CAMK1D: variants seen among roughly 807,000 people sequenced by gnomAD.
The protein encoded by CAMK1D is calcium/calmodulin-dependent protein kinase type 1D.
Under a neutral mutation model 47.7 loss-of-function variants are expected in CAMK1D, and 9 were observed. The ratio of observed to expected loss-of-function variants is 0.19; its 90% confidence interval spans 0.11 to 0.33. The LOEUF (loss-of-function observed/expected upper bound fraction) is 0.33, where lower values mean the gene tolerates loss of function less well. Ranked by LOEUF, CAMK1D falls within the 10% of genes least tolerant of loss-of-function variation. The probability of loss-of-function intolerance (pLI) is 1.00; values close to 1 mark genes in which losing one functional copy is unlikely to be tolerated. For missense variants in CAMK1D, 291 were observed against 488.7 expected (o/e 0.60, Z 3.81); for synonymous variants, 184 against 184.9 (o/e 0.99, Z 0.04).
At chr10:12,768,447 C>A (rs1291621602) in intron 4 of CAMK1D, among the ~76,000 whole-genome samples, 1 of 152,114 alleles carries the variant, frequency 6.6e-6, no homozygotes, top group African/African-American at 2.4e-5. Flanking sequence ...TGGCTGTCCC[C>A]GCTGGGGCGG....
chr10:12,692,185 A>G (rs1832956002), intron 3 of CAMK1D, among the ~76,000 whole-genome samples: 1 of 152,242 alleles, frequency 6.6e-6, no homozygotes, highest in Non-Finnish European at 1.5e-5. Flanking sequence ...TGGCGCCTTC[A>G]TAGTTGATTT....
intron 2 of CAMK1D, among the ~76,000 whole-genome samples, chr10:12,606,989 C>T (rs1413179808): frequency 3.3e-5 from 5 of 151,924 alleles, no homozygotes; most frequent in Admixed American, 2.6e-4. Flanking sequence ...CACCATACCC[C>T]GCTAATTTTT....
At chr10:12,426,243 AT>A (rs1287024906) in intron 1 of CAMK1D, among the ~76,000 whole-genome samples, 1 of 151,902 alleles carries the variant, frequency 6.6e-6, no homozygotes, top group Non-Finnish European at 1.5e-5. Context: ...GTGAAGGGAT[AT>A]TTTTTTCCTT....
chr10:12,578,351 A>C (rs529995858), intron 2 of CAMK1D, among the ~76,000 whole-genome samples: 3 of 152,214 alleles, frequency 2.0e-5, no homozygotes, highest in Admixed American at 1.3e-4. Flanking sequence ...CGGATGGATC[A>C]CCTGAGGTCA....
intron 3 of CAMK1D, among the ~76,000 whole-genome samples, chr10:12,717,904 A>G (rs1055595291): frequency 2.0e-5 from 3 of 151,650 alleles, no homozygotes; most frequent in Non-Finnish European, 4.4e-5. Flanking sequence ...AAAAAAAAAA[A>G]AAAGAAAAAA....
chr10:12,713,237 AT>A (rs1175589077), intron 3 of CAMK1D, among the ~76,000 whole-genome samples: 1 of 152,124 alleles, frequency 6.6e-6, no homozygotes, highest in African/African-American at 2.4e-5. Context: ...GGCCCGGCTA[AT>A]TTTTTGTATT....
chr10:12,682,777 A>T (rs2132613303), intron 3 of CAMK1D, among the ~76,000 whole-genome samples: 1 of 152,338 alleles, frequency 6.6e-6, no homozygotes, highest in South Asian at 2.1e-4. Flanking sequence ...TAAATTAAAA[A>T]TTTGATTGGC....
chr10:12,421,511 C>CTTT (rs71384322), intron 1 of CAMK1D, among the ~76,000 whole-genome samples: 919 of 50,756 alleles, frequency 0.018, 151 homozygotes, highest in Non-Finnish European at 0.023. Flanking sequence ...ATCCAGGATT[C>CTTT]TTTTTTTTTT....
chr10:12,632,469 T>C (rs191182542), intron 2 of CAMK1D, among the ~76,000 whole-genome samples: 2 of 152,338 alleles, frequency 1.3e-5, no homozygotes, highest in African/African-American at 4.8e-5. Flanking sequence ...TTGCAGGCCA[T>C]TGGAAGAAGC....
chr10:12,377,893 A>T (rs994937655), intron 1 of CAMK1D, among the ~76,000 whole-genome samples: 1 of 152,250 alleles, frequency 6.6e-6, no homozygotes, highest in Non-Finnish European at 1.5e-5. Flanking sequence ...TGTCACAGGC[A>T]ATTTCATAGC....
At chr10:12,738,005 C>T (rs564644686) in intron 3 of CAMK1D, among the ~76,000 whole-genome samples, 1 of 152,180 alleles carries the variant, frequency 6.6e-6, no homozygotes, top group African/African-American at 2.4e-5. Context: ...AAAATTAAAT[C>T]ACAAGGTCTT....
chr10:12,814,555 A>C (rs571111372), intron 7 of CAMK1D, among the ~76,000 whole-genome samples: 2 of 152,260 alleles, frequency 1.3e-5, no homozygotes, highest in South Asian at 4.1e-4. Flanking sequence ...GTGAGGGCCC[A>C]CTTTCTGGTT....
intron 1 of CAMK1D, among the ~76,000 whole-genome samples, chr10:12,387,136 G>A (rs1052085826): frequency 1.3e-5 from 2 of 150,378 alleles, no homozygotes; most frequent in Non-Finnish European, 3.0e-5. Flanking sequence ...CCCAGGAGGC[G>A]GATGTTGCAG....
chr10:12,541,842 T>TCTTCATTCCTTC (rs1836193676), intron 1 of CAMK1D, among the ~76,000 whole-genome samples: 1 of 116,608 alleles, frequency 8.6e-6, no homozygotes, highest in Non-Finnish European at 1.7e-5. Flanking sequence ...CTGTGTTTTA[T>TCTTCATTCCTTC]CTTCCTTCCT....
At chr10:12,747,673 G>C (rs1311098629) in intron 3 of CAMK1D, among the ~76,000 whole-genome samples, 2 of 152,134 alleles carry the variant, frequency 1.3e-5, no homozygotes, top group Non-Finnish European at 2.9e-5. Context: ...ATGGTTAGAG[G>C]ATGGTGAGTC....
At chr10:12,806,591 C>A (rs1588951361) in intron 6 of CAMK1D, among the ~76,000 whole-genome samples, 1 of 152,344 alleles carries the variant, frequency 6.6e-6, no homozygotes, top group East Asian at 1.9e-4. Flanking sequence ...CCCAGCAGGG[C>A]CTAACCGTGT....
At chr10:12,649,359 C>A (rs2132506172) in intron 2 of CAMK1D, among the ~76,000 whole-genome samples, 1 of 152,322 alleles carries the variant, frequency 6.6e-6, no homozygotes, top group South Asian at 2.1e-4. Context: ...GGGAGGTCGG[C>A]TGGCAAATGG....
intron 6 of CAMK1D, among the ~76,000 whole-genome samples, chr10:12,804,237 G>C (rs1838613373): frequency 6.6e-6 from 1 of 152,168 alleles, no homozygotes; most frequent in Admixed American, 6.5e-5. Flanking sequence ...AACTTCTTAA[G>C]TCAGTACACA....
At chr10:12,480,442 A>G (rs1834031186) in intron 1 of CAMK1D, among the ~76,000 whole-genome samples, 1 of 147,788 alleles carries the variant, frequency 6.8e-6, no homozygotes, top group African/African-American at 2.5e-5. Context: ...CTCAAAAACA[A>G]AAAACAAAAA....
Sources: allele counts gnomAD v4.1 joint callset (sites outside exome capture counted in the v4.1 genomes callset), GRCh38; gene constraint gnomAD v4.1.1; transcripts MANE v1.5; gene names NCBI Gene and HGNC (gene_info 2026-07-23, HGNC 2026-07-21).